SMAP1: variants seen among roughly 807,000 people sequenced by gnomAD.
SMAP1 encodes the protein small ArfGAP 1.
A neutral mutation model predicts 58.5 loss-of-function variants in SMAP1; 24 were observed. The observed-to-expected ratio is 0.41, with a 90% CI of 0.30 to 0.58. The LOEUF (loss-of-function observed/expected upper bound fraction) is 0.58. Ranked by LOEUF, SMAP1 falls within the 20% of genes least tolerant of loss-of-function variation. The pLI is 0.29. For missense variants in SMAP1, 563 were observed against 566.3 expected (o/e 0.99, Z 0.06); for synonymous variants, 216 against 196.6 (o/e 1.10, Z -0.82).
At chr6:70,671,190 T>C (rs1197251923) in intron 1 of SMAP1, among the ~76,000 whole-genome samples, 3 of 152,178 alleles carry the variant, frequency 2.0e-5, no homozygotes, top group African/African-American at 7.2e-5. Context: ...TTTTGTTTTT[T>C]TTTTTCACTT....
rs1771585250 is a variant in SMAP1 at position 70,859,231 on chromosome 6, T to TAA, written c.1270-968_1270-967dup. ...TGGGAATCTAAAAAATTGTATGTGCTAAGTGTCAGTCACATGGTCAACATG... is the reference window on the plus strand; with the variant it reads ...TGGGAATCTAAAAAATTGTATGTGCTAAAAGTGTCAGTCACATGGTCAACATG... On this transcript the variant is annotated intron_variant, in intron 10 of 10. Coordinates refer to ENST00000370455, the MANE Select transcript of SMAP1 (RefSeq NM_001044305.3). 1.6e-5 allele frequency: 12 copies of TAA among 754,916 alleles called. No individual in the cohort carries two copies. In the South Asian group the frequency reaches 1.8e-4, roughly 11 times the overall value. The allele number at this position is 754,916 out of a possible 1,614,324, so 46.8% of individuals were successfully genotyped here.
intron 1 of SMAP1, among the ~76,000 whole-genome samples, chr6:70,670,362 G>T (rs1766212815): frequency 6.6e-6 from 1 of 152,102 alleles, no homozygotes; most frequent in African/African-American, 2.4e-5. Flanking sequence ...TCACAGGTAA[G>T]GCCACTTATT....
chr6:70,744,220 A>C (rs1765929734), intron 2 of SMAP1, among the ~76,000 whole-genome samples: 1 of 151,872 alleles, frequency 6.6e-6, no homozygotes, highest in Non-Finnish European at 1.5e-5. Context: ...CATGTGCACA[A>C]CATGCAGGTT....
intron 1 of SMAP1, among the ~76,000 whole-genome samples, chr6:70,714,468 A>G (rs1169654854): frequency 6.6e-6 from 1 of 151,974 alleles, no homozygotes; most frequent in African/African-American, 2.4e-5. Context: ...TTTTCCATGC[A>G]GGAGCACTCA....
chr6:70,730,275 C>G (rs936443849), intron 1 of SMAP1, among the ~76,000 whole-genome samples: 4 of 148,724 alleles, frequency 2.7e-5, no homozygotes, highest in Admixed American at 6.7e-5. Flanking sequence ...AGGCTGGTCT[C>G]AAAACTCCTG....
chr6:70,728,349 A>G (rs1413354), intron 1 of SMAP1, among the ~76,000 whole-genome samples: 151,853 of 152,342 alleles, frequency 1, 75,684 homozygotes, highest in Middle Eastern at 1. Flanking sequence ...CAGGACAGCC[A>G]CATTTCTAGG....
chr6:70,678,429 A>G (rs1009729637), intron 1 of SMAP1, among the ~76,000 whole-genome samples: 3 of 152,224 alleles, frequency 2.0e-5, no homozygotes, highest in African/African-American at 7.2e-5. Context: ...GGCGTTATTT[A>G]GTTCATGCAT....
At chr6:70,714,064 G>T (rs961081082) in intron 1 of SMAP1, among the ~76,000 whole-genome samples, 11 of 151,914 alleles carry the variant, frequency 7.2e-5, no homozygotes, top group African/African-American at 1.5e-4. Context: ...CACTCTTTTG[G>T]GTACCATTTG....
chr6:70,750,137 A>G (rs1318505689), intron 2 of SMAP1, among the ~76,000 whole-genome samples: 1 of 152,022 alleles, frequency 6.6e-6, no homozygotes, highest in Non-Finnish European at 1.5e-5. Context: ...ATCTTCACAT[A>G]TTTATTTCAA....
rs528487123 is a variant in SMAP1, at chr6:70,797,482, A to G, written c.496-1175A>G. On this transcript the variant is annotated intron_variant, in intron 5 of 10. Transcript: ENST00000370455. ...AAAGGTAATTAACATCCTGATTTTT[A>G]TCATCATCGTCTTTACTTTTTTGCT... 4.6e-5 allele frequency among the ~76,000 whole-genome samples: 7 copies of G among 152,188 alleles called. No individual in the cohort carries two copies. In the South Asian group the frequency reaches 8.3e-4, roughly 18 times the overall value.
At chr6:70,741,779 C>T (rs1257598111) in intron 2 of SMAP1, among the ~76,000 whole-genome samples, 1 of 152,232 alleles carries the variant, frequency 6.6e-6, no homozygotes, top group South Asian at 2.1e-4. Context: ...CTGCAACAAA[C>T]TTCTGTTTGG....
chr6:70,744,825 C>T (rs893672712), intron 2 of SMAP1, among the ~76,000 whole-genome samples: 20 of 152,214 alleles, frequency 1.3e-4, no homozygotes, highest in African/African-American at 4.6e-4. Context: ...CACATCCTCT[C>T]CAGCACCTGT....
At chr6:70,743,214 T>C (rs1765886953) in intron 2 of SMAP1, among the ~76,000 whole-genome samples, 1 of 152,166 alleles carries the variant, frequency 6.6e-6, no homozygotes, top group South Asian at 2.1e-4. Context: ...GTGGTCATTG[T>C]AGTGGTTTGT....
intron 6 of SMAP1, among the ~76,000 whole-genome samples, chr6:70,809,278 T>C (rs1769285073): frequency 6.6e-6 from 1 of 152,102 alleles, no homozygotes; most frequent in African/African-American, 2.4e-5. Context: ...GGAGATAATG[T>C]AGATGAATAA....
chr6:70,730,019 C>T (rs1398125967), intron 1 of SMAP1, among the ~76,000 whole-genome samples: 1 of 152,170 alleles, frequency 6.6e-6, no homozygotes, highest in East Asian at 1.9e-4. Context: ...GTTTGAGAGA[C>T]ACTGATCTAG....
chr6:70,777,159 T>C (rs1405870231), intron 4 of SMAP1, among the ~76,000 whole-genome samples: 2 of 152,232 alleles, frequency 1.3e-5, no homozygotes, highest in East Asian at 3.8e-4. Flanking sequence ...TATCATCTTT[T>C]TGATAATAAA....
chr6:70,830,654 A>G (rs1260079571), intron 6 of SMAP1, among the ~76,000 whole-genome samples: 1 of 152,212 alleles, frequency 6.6e-6, no homozygotes, highest in Non-Finnish European at 1.5e-5. Flanking sequence ...GCAAACCTGG[A>G]AAAAGTCAAA....
Position 70,722,348 on chromosome 6 carries a change from C to T in SMAP1, c.119-10030C>T, listed in dbSNP as rs115983249. ...ATTTGACCCTTTCCAGAAACAGTAG[C>T]GCATGCCCAGAACATCCTTTGGAGG... On this transcript the variant is annotated intron_variant, in intron 1 of 10. Coordinates refer to ENST00000370455, the MANE Select transcript of SMAP1 (RefSeq NM_001044305.3). 1.0e-2 allele frequency among the ~76,000 whole-genome samples: 1,520 copies of T among 152,302 alleles called. 30 individuals carry two copies. The highest frequency in any genetic ancestry group is 0.034 in the African/African-American group (1,414 of 41,560).
At chr6:70,686,198 AGT>A (rs1766929708) in intron 1 of SMAP1, among the ~76,000 whole-genome samples, 1 of 152,210 alleles carries the variant, frequency 6.6e-6, no homozygotes, top group Admixed American at 6.5e-5. Flanking sequence ...CCTGCTATGC[AGT>A]GCAGTAAGAT....
Sources: gnomAD v4.1 joint callset for allele counts (sites outside exome capture counted in the v4.1 genomes callset) on GRCh38, gnomAD v4.1.1 for gene constraint, MANE v1.5 for transcripts, NCBI Gene and HGNC (gene_info 2026-07-23, HGNC 2026-07-21) for gene names.